BLTP1: variants seen among roughly 807,000 people sequenced by gnomAD.
BLTP1 encodes the protein fragile site-associated protein.
chr4:122,308,038 A>G, the BLTP1 span: 1 of 1,613,542 alleles, frequency 6.2e-7, no homozygotes, highest in Non-Finnish European at 8.5e-7. Flanking sequence ...TATGGCTACA[A>G]AGGAAGTAGT....
the BLTP1 span, among the ~76,000 whole-genome samples, chr4:122,332,243 T>C: frequency 2.2e-3 from 333 of 152,096 alleles, 4 homozygotes; most frequent in Non-Finnish European, 3.7e-3. Context: ...TAATAAAATA[T>C]TTAATTGAGG....
chr4:122,183,026 C>T, the BLTP1 span: 1 of 985,084 alleles, frequency 1.0e-6, no homozygotes, highest in Non-Finnish European at 1.2e-6. Context: ...AATGAAGTAA[C>T]TACTTTTCTC....
chr4:122,250,878 A>G, the BLTP1 span: 76 of 902,916 alleles, frequency 8.4e-5, no homozygotes, highest in Admixed American at 7.4e-4. Context: ...AAATCCACCT[A>G]TAGGGTGTGG....
the BLTP1 span, among the ~76,000 whole-genome samples, chr4:122,319,056 A>G: frequency 1.3e-4 from 20 of 152,122 alleles, no homozygotes; most frequent in Non-Finnish European, 2.5e-4. Flanking sequence ...AAATAGCCAT[A>G]GGGTCTGTTG....
the BLTP1 span, chr4:122,243,377 G>T: frequency 3.1e-6 from 3 of 979,840 alleles, no homozygotes; most frequent in African/African-American, 5.3e-5. Flanking sequence ...CAATGTATTA[G>T]CCATCTTTGA....
chr4:122,264,345 A>G, the BLTP1 span: 4 of 1,611,582 alleles, frequency 2.5e-6, no homozygotes, highest in Non-Finnish European at 3.4e-6. Context: ...ACACATTCTC[A>G]GCATAGCACC....
the BLTP1 span, among the ~76,000 whole-genome samples, chr4:122,156,934 A>G: frequency 1.3e-5 from 2 of 152,312 alleles, no homozygotes; most frequent in South Asian, 4.1e-4. Context: ...AGGAGGCAGG[A>G]TAAAGGGCTA....
the BLTP1 span, among the ~76,000 whole-genome samples, chr4:122,326,462 ACT>A: frequency 6.6e-6 from 1 of 151,536 alleles, no homozygotes; most frequent in Non-Finnish European, 1.5e-5. Flanking sequence ...CCCTTTTGTC[ACT>A]CTCTTCAAGC....
At chr4:122,339,086 T>C in the BLTP1 span, 1 of 1,181,978 alleles carries the variant, frequency 8.5e-7, no homozygotes, top group Non-Finnish European at 1.2e-6. Context: ...GTGATATACT[T>C]TATTTCTTTC....
chr4:122,302,512 T>G, the BLTP1 span, among the ~76,000 whole-genome samples: 9 of 152,352 alleles, frequency 5.9e-5, no homozygotes, highest in East Asian at 7.7e-4. Context: ...GGGAATTGTT[T>G]AGGGGCGCCA....
chr4:122,154,405 T>G, the BLTP1 span: 1 of 984,932 alleles, frequency 1.0e-6, no homozygotes. Context: ...AACCTGTTAG[T>G]CATTTTACTT....
chr4:122,299,851 AT>A, the BLTP1 span: 1 of 984,814 alleles, frequency 1.0e-6, no homozygotes, highest in Non-Finnish European at 1.2e-6. Context: ...GTACTTAATT[AT>A]AAGTTGAAGA....
At chr4:122,200,721 G>T in the BLTP1 span, 1 of 980,074 alleles carries the variant, frequency 1.0e-6, no homozygotes. Flanking sequence ...AGGGATGTCG[G>T]TTGTTACCCC....
At chr4:122,167,945 C>G in the BLTP1 span, 3 of 957,170 alleles carry the variant, frequency 3.1e-6, no homozygotes, top group Non-Finnish European at 2.5e-6. Context: ...TCTCCAGTCT[C>G]TCACTATTAA....
At chr4:122,228,065 C>T in the BLTP1 span, among the ~76,000 whole-genome samples, 5 of 151,892 alleles carry the variant, frequency 3.3e-5, no homozygotes, top group South Asian at 4.2e-4. Flanking sequence ...AGGCGCCCAC[C>T]ACCACGCCCG....
At chr4:122,207,811 A>G in the BLTP1 span, 1 of 831,862 alleles carries the variant, frequency 1.2e-6, no homozygotes, top group Non-Finnish European at 1.4e-6. Flanking sequence ...TTCTTTTTGT[A>G]GTTAACTGCA....
At chr4:122,273,359 C>T in the BLTP1 span, 10 of 984,254 alleles carry the variant, frequency 1.0e-5, no homozygotes, top group Admixed American at 1.9e-4. Context: ...ACCACACACA[C>T]GGTTCTCTGA....
chr4:122,246,557 G>A, the BLTP1 span: 1 of 1,195,880 alleles, frequency 8.4e-7, no homozygotes, highest in East Asian at 2.4e-5. Context: ...GTATTCATAA[G>A]CTTTGTCTTC....
chr4:122,316,939 G>C, the BLTP1 span: 1 of 1,019,366 alleles, frequency 9.8e-7, no homozygotes. Flanking sequence ...GGAAGAAACT[G>C]TATTTGGTCT....
Sources: gnomAD v4.1 joint callset for allele counts (sites outside exome capture counted in the v4.1 genomes callset) on GRCh38, gnomAD v4.1.1 for gene constraint, MANE v1.5 for transcripts, NCBI Gene and HGNC (gene_info 2026-07-23, HGNC 2026-07-21) for gene names.